The following SLC60A1 variants were observed in gnomAD, a reference collection of about 807,000 sequenced individuals.
The protein encoded by SLC60A1 is major facilitator superfamily domain containing 4.
At chr1:205,592,124 A>C in the SLC60A1 span, 18 of 1,613,038 alleles carry the variant, frequency 1.1e-5, no homozygotes, top group South Asian at 2.0e-4. Flanking sequence ...AACCGCCTCC[A>C]CCTCTGCCGC....
the SLC60A1 span, among the ~76,000 whole-genome samples, chr1:205,588,712 G>A: frequency 2.0e-5 from 3 of 152,152 alleles, no homozygotes; most frequent in African/African-American, 7.2e-5. Flanking sequence ...TCCTCTCTAG[G>A]TTAAATTAAT....
chr1:205,575,543 G>T, the SLC60A1 span, among the ~76,000 whole-genome samples: 2 of 151,978 alleles, frequency 1.3e-5, no homozygotes, highest in African/African-American at 4.8e-5. Context: ...AACCAGGAAG[G>T]CAAGAACAGG....
At chr1:205,581,625 C>T in the SLC60A1 span, among the ~76,000 whole-genome samples, 2 of 152,084 alleles carry the variant, frequency 1.3e-5, no homozygotes, top group East Asian at 3.9e-4. This position sits in a 1 kb window ranked among gnomAD's most constrained non-coding sequence, Gnocchi z 4.2. Context: ...GTCGGGAACA[C>T]CAGAGCATCC....
At chr1:205,572,880 C>T in the SLC60A1 span, among the ~76,000 whole-genome samples, 4 of 152,170 alleles carry the variant, frequency 2.6e-5, no homozygotes, top group Admixed American at 1.3e-4. Flanking sequence ...TAAACCTGTA[C>T]GTGGATGTTC....
At chr1:205,575,177 C>A in the SLC60A1 span, among the ~76,000 whole-genome samples, 2 of 152,214 alleles carry the variant, frequency 1.3e-5, no homozygotes, top group Non-Finnish European at 2.9e-5. Context: ...TCCTTCTGGG[C>A]TGCTGCCCCT....
chr1:205,593,278 A>G, the SLC60A1 span, among the ~76,000 whole-genome samples: 3 of 151,728 alleles, frequency 2.0e-5, no homozygotes, highest in African/African-American at 7.3e-5. Context: ...AGACCATCCT[A>G]GCTAACACGC....
the SLC60A1 span, chr1:205,598,421 G>T: frequency 3.3e-5 from 5 of 152,260 alleles, no homozygotes; most frequent in African/African-American, 1.2e-4. Flanking sequence ...TTACAACAGA[G>T]GACACGGAAA....
the SLC60A1 span, chr1:205,598,766 A>C: frequency 4.9e-6 from 1 of 204,230 alleles, no homozygotes; most frequent in Non-Finnish European, 9.8e-6. Context: ...TTCTCATAAT[A>C]AAAGAGTAAA....
chr1:205,583,715 T>C, the SLC60A1 span, among the ~76,000 whole-genome samples: 1 of 152,166 alleles, frequency 6.6e-6, no homozygotes, highest in Non-Finnish European at 1.5e-5. Context: ...ATGCGACAAA[T>C]ATCTGTCTTT....
chr1:205,591,513 G>T, the SLC60A1 span, among the ~76,000 whole-genome samples: 6 of 140,860 alleles, frequency 4.3e-5, no homozygotes, highest in African/African-American at 7.9e-5. Flanking sequence ...GGAAAGAAAA[G>T]AAAGATTTCT....
the SLC60A1 span, among the ~76,000 whole-genome samples, chr1:205,578,220 G>A: frequency 6.6e-6 from 1 of 152,226 alleles, no homozygotes; most frequent in East Asian, 1.9e-4. Context: ...TCAGTAGAGG[G>A]ACCTCTGAGA....
At chr1:205,584,548 TA>T in the SLC60A1 span, among the ~76,000 whole-genome samples, 1,117 of 111,572 alleles carry the variant, frequency 0.01, 9 homozygotes, top group Middle Eastern at 0.019. Flanking sequence ...TTTTTTTTTT[TA>T]AAAAAAAAAA....
At chr1:205,589,723 A>AC in the SLC60A1 span, among the ~76,000 whole-genome samples, 1 of 152,236 alleles carries the variant, frequency 6.6e-6, no homozygotes, top group African/African-American at 2.4e-5. Context: ...AAAGTGGTAG[A>AC]ACTAGACAGG....
the SLC60A1 span, among the ~76,000 whole-genome samples, chr1:205,578,579 G>A: frequency 5.9e-5 from 9 of 152,334 alleles, no homozygotes; most frequent in African/African-American, 2.2e-4. Context: ...TCTGATAGAG[G>A]ATTTAATCAA....
At chr1:205,600,242 C>T in the SLC60A1 span, 2 of 604,514 alleles carry the variant, frequency 3.3e-6, no homozygotes, top group African/African-American at 1.9e-5. Flanking sequence ...ACTGCCTCCA[C>T]CAACTGTTCG....
At chr1:205,585,113 T>G in the SLC60A1 span, 1 of 764,888 alleles carries the variant, frequency 1.3e-6, no homozygotes, top group Admixed American at 2.5e-5. The surrounding 1 kb of genome is among the most constrained non-coding windows in gnomAD (Gnocchi z 4.2). Context: ...TGGAGTACAC[T>G]TGATTCAAAA....
chr1:205,580,045 C>T, the SLC60A1 span: 1 of 1,321,058 alleles, frequency 7.6e-7, no homozygotes, highest in Non-Finnish European at 1.0e-6. The surrounding 1 kb of genome is among the most constrained non-coding windows in gnomAD (Gnocchi z 5.0). Flanking sequence ...CCCCAGGGGC[C>T]CACTTACCAG....
At chr1:205,598,870 G>A in the SLC60A1 span, 4 of 496,382 alleles carry the variant, frequency 8.1e-6, no homozygotes, top group Non-Finnish European at 1.4e-5. Flanking sequence ...ATCGTCAGAA[G>A]GTTCCAGAAC....
the SLC60A1 span, chr1:205,599,103 T>G: frequency 6.2e-7 from 1 of 1,612,646 alleles, no homozygotes; most frequent in Non-Finnish European, 8.5e-7. Flanking sequence ...TTTAATTGTC[T>G]GTCTCTCTGT....
Sources: gnomAD v4.1 joint callset for allele counts (sites outside exome capture counted in the v4.1 genomes callset) on GRCh38, gnomAD v4.1.1 for gene constraint, Gnocchi (gnomAD v3.1) non-coding constraint, MANE v1.5 for transcripts, NCBI Gene and HGNC (gene_info 2026-07-23, HGNC 2026-07-21) for gene names.